TCF4: variants seen among roughly 807,000 people sequenced by gnomAD.
The protein encoded by TCF4 is transcription factor 4.
A neutral mutation model predicts 82.1 loss-of-function variants in TCF4; 3 were observed. The observed-to-expected ratio is 0.04, with a 90% confidence interval of 0.02 to 0.09. TCF4 has a LOEUF of 0.09. Ranked by LOEUF, TCF4 falls within the 10% of genes least tolerant of loss-of-function variation. The pLI is 1.00. For missense variants in TCF4, 518 were observed against 852.7 expected, an observed-to-expected ratio of 0.61 and a Z score of 4.89; for synonymous variants, 276 against 309.6, an observed-to-expected ratio of 0.89 and a Z score of 1.14.
intron 6 of TCF4, among the ~76,000 whole-genome samples, chr18:55,392,462 C>CA (rs772409228): frequency 0.25 from 23,655 of 95,392 alleles, 2,990 homozygotes; most frequent in East Asian, 0.51. Context: ...AACAACCCCA[C>CA]AAAAAAAAAA....
chr18:55,278,559 T>G (rs2061912227), intron 9 of TCF4, among the ~76,000 whole-genome samples: 1 of 81,284 alleles, frequency 1.2e-5, no homozygotes, highest in Non-Finnish European at 2.9e-5. Flanking sequence ...TATTTATTTG[T>G]TTGTTTATTT....
chr18:55,540,856 C>T (rs1464510943), intron 3 of TCF4, among the ~76,000 whole-genome samples: 3 of 151,986 alleles, frequency 2.0e-5, no homozygotes, highest in African/African-American at 4.8e-5. Flanking sequence ...AAAATTCAAT[C>T]GCTGACTATT....
intron 3 of TCF4, among the ~76,000 whole-genome samples, chr18:55,515,248 G>A (rs1292004876): frequency 6.6e-6 from 1 of 152,104 alleles, no homozygotes; most frequent in Non-Finnish European, 1.5e-5. Context: ...ACAACCCAGA[G>A]TATAAAACTC....
chr18:55,622,177 T>G (rs199744361), intron 2 of TCF4, among the ~76,000 whole-genome samples: 5 of 43,084 alleles, frequency 1.2e-4, no homozygotes, highest in Middle Eastern at 0.011. Flanking sequence ...ACACACGCAC[T>G]CACACACACA....
intron 6 of TCF4, among the ~76,000 whole-genome samples, chr18:55,354,161 G>A (rs1603300670): frequency 2.0e-5 from 3 of 152,034 alleles, no homozygotes; most frequent in Non-Finnish European, 1.5e-5. Flanking sequence ...TTTCCCAAAA[G>A]ACCTAAAATA....
chr18:55,479,473 T>C (rs180679679), intron 3 of TCF4, among the ~76,000 whole-genome samples: 77 of 152,320 alleles, frequency 5.1e-4, no homozygotes, highest in Admixed American at 4.9e-3. Context: ...CGTGACCACC[T>C]AGGAATCTGA....
intron 3 of TCF4, among the ~76,000 whole-genome samples, chr18:55,543,463 T>C (rs1487286315): frequency 6.6e-6 from 1 of 152,104 alleles, no homozygotes; most frequent in Admixed American, 6.5e-5. Flanking sequence ...GCTCTCCTTT[T>C]CCATTAGAAA....
intron 3 of TCF4, among the ~76,000 whole-genome samples, chr18:55,501,336 A>C (rs1482086468): frequency 6.6e-6 from 1 of 152,176 alleles, no homozygotes; most frequent in Non-Finnish European, 1.5e-5. Flanking sequence ...GGAAAAAAAA[A>C]CCACAACCAA....
At position 55,585,624 on chromosome 18, in the gene TCF4, T is replaced by A. The variant is rs1445442338; in HGVS notation, c.73-272A>T. On this transcript the variant is annotated intron_variant, in intron 2 of 19. Coordinates refer to ENST00000354452, the MANE Select transcript of TCF4 (RefSeq NM_001083962.2). ...ACATTTGGAACAAACACAGTCCCCA[T>A]AATGTTATCAAGATTCAGGTTGGAG... The A allele has an allele frequency of 2.0e-5, 11 of 562,602 alleles. No individual in the cohort carries two copies. The East Asian group carries it at 4.2e-4, about 21-fold the overall frequency. The allele number at this position is 562,602 out of a possible 1,614,324, so 34.9% of individuals were successfully genotyped here. A position where few individuals can be genotyped will look rare whatever the true frequency, so the allele number is the denominator to read the frequency against.
chr18:55,259,897 G>C, intron 13 of TCF4, 52 bp downstream of exon 13: 1 of 1,458,034 alleles, frequency 6.9e-7, no homozygotes, highest in Non-Finnish European at 9.6e-7. Flanking sequence ...TACAAGGGGG[G>C]AATCATTCTT....
At chr18:55,304,303 T>TAGGAC (rs1422146290) in intron 8 of TCF4, among the ~76,000 whole-genome samples, 6 of 152,116 alleles carry the variant, frequency 3.9e-5, no homozygotes, top group African/African-American at 1.4e-4. Flanking sequence ...TAAACAAAAA[T>TAGGAC]ATAGGAATTC....
intron 3 of TCF4, among the ~76,000 whole-genome samples, chr18:55,514,707 T>C (rs2096863960): frequency 1.3e-5 from 2 of 152,110 alleles, no homozygotes; most frequent in Admixed American, 6.6e-5. Flanking sequence ...ACAGAAGCTT[T>C]TGGTAAGTAA....
intron 8 of TCF4, among the ~76,000 whole-genome samples, chr18:55,293,559 G>A (rs762773645): frequency 1.4e-4 from 22 of 152,044 alleles, no homozygotes; most frequent in African/African-American, 3.6e-4. Context: ...TGGTTCTATC[G>A]TTAATAGATA....
chr18:55,344,005 A>C (rs1358306776), intron 8 of TCF4, among the ~76,000 whole-genome samples: 1 of 152,198 alleles, frequency 6.6e-6, no homozygotes, highest in African/African-American at 2.4e-5. Context: ...AGACAAAGCA[A>C]GTGTCTGTCA....
intron 2 of TCF4, among the ~76,000 whole-genome samples, chr18:55,617,635 C>T (rs951627000): frequency 9.9e-5 from 15 of 152,164 alleles, no homozygotes; most frequent in African/African-American, 3.4e-4. Flanking sequence ...TTTCAGTATA[C>T]AAGTCTGTCA....
At chr18:55,473,220 C>T (rs748707020) in intron 3 of TCF4, among the ~76,000 whole-genome samples, 1 of 151,980 alleles carries the variant, frequency 6.6e-6, no homozygotes, top group Non-Finnish European at 1.5e-5. Flanking sequence ...TCTTTTCTCC[C>T]GAGGGTGCCA....
At chr18:55,621,899 T>C (rs1194637795) in intron 2 of TCF4, among the ~76,000 whole-genome samples, 1 of 101,650 alleles carries the variant, frequency 9.8e-6, no homozygotes, top group South Asian at 2.8e-4. Context: ...TTATATATTA[T>C]ATATACACTA....
chr18:55,524,445 A>G (rs1224477470), intron 3 of TCF4, among the ~76,000 whole-genome samples: 1 of 152,170 alleles, frequency 6.6e-6, no homozygotes, highest in Admixed American at 6.6e-5. Flanking sequence ...TGTTTCATGA[A>G]AAACCAAAGG....
At chr18:55,312,819 A>G (rs2072965555) in intron 8 of TCF4, among the ~76,000 whole-genome samples, 1 of 152,146 alleles carries the variant, frequency 6.6e-6, no homozygotes, top group African/African-American at 2.4e-5. Context: ...TCACATCAAC[A>G]CATCTAATTT....
Sources: allele counts gnomAD v4.1 joint callset (sites outside exome capture counted in the v4.1 genomes callset), GRCh38; gene constraint gnomAD v4.1.1; transcripts MANE v1.5; gene names NCBI Gene and HGNC (gene_info 2026-07-23, HGNC 2026-07-21).